Variants in PPP2R2B observed in about 807,000 individuals in gnomAD.
PPP2R2B encodes the protein protein phosphatase 2 regulatory subunit Bbeta.
In PPP2R2B, 5 loss-of-function variants were observed where a neutral mutation model predicts 46.0. That is an observed-to-expected ratio of 0.11 (90% CI 0.06 to 0.23). The LOEUF (loss-of-function observed/expected upper bound fraction) is 0.23, where lower values mean the gene tolerates loss of function less well. Ranked by LOEUF, PPP2R2B falls within the 10% of genes least tolerant of loss-of-function variation. PPP2R2B has a pLI of 1.00. For missense variants in PPP2R2B, 367 were observed against 575.0 expected (o/e 0.64, Z 3.70); for synonymous variants, 215 against 206.7 (o/e 1.04, Z -0.34).
chr5:146,933,558 C>T (rs1764036430), intron 1 of PPP2R2B, among the ~76,000 whole-genome samples: 1 of 152,028 alleles, frequency 6.6e-6, no homozygotes, highest in South Asian at 2.1e-4. Context: ...GGCCACCTCA[C>T]TTTATTCTGA....
At position 146,650,586 on chromosome 5, in the gene PPP2R2B, T is replaced by C; in HGVS notation, c.586A>G (p.Ile196Val). The change falls in exon 6 of 10, where the codon ATT (isoleucine) becomes GTT (valine). Residue 196 changes from isoleucine (I) to valine (V), a missense_variant. This residue lies in a region of PPP2R2B where 361 missense variants were observed against 545.5 expected (regional missense o/e 0.66). Coordinates refer to ENST00000394411, the MANE Select transcript of PPP2R2B (RefSeq NM_181675.4). Reference protein sequence around the residue: ...ETYMSADDLRINLWNFEITNQ... With the variant: ...ETYMSADDLRVNLWNFEITNQ... ...GTTATTTCAAAGTTCCATAGGTTAA[T>C]CCTCAGGTCATCAGCGGACATGTAG... is the stretch of plus-strand genomic sequence containing the variant. The C allele has an allele frequency of 6.2e-7, 1 of 1,614,030 alleles. No homozygotes were observed. The highest frequency in any genetic ancestry group is 8.5e-7 in the Non-Finnish European group (1 of 1,179,978).
At chr5:146,644,309 TG>T (rs1447108771) in intron 6 of PPP2R2B, among the ~76,000 whole-genome samples, 3 of 18,122 alleles carry the variant, frequency 1.7e-4, no homozygotes, top group Non-Finnish European at 6.6e-4. Flanking sequence ...AAATTGTTTT[TG>T]GCTTTGGCTT....
chr5:146,808,044 G>T (rs1422469279), intron 2 of PPP2R2B, among the ~76,000 whole-genome samples: 1 of 151,450 alleles, frequency 6.6e-6, no homozygotes, highest in Non-Finnish European at 1.5e-5. Flanking sequence ...CAGGTGATCT[G>T]CCTGCCTCAG....
chr5:146,809,456 G>A (rs780566936), intron 2 of PPP2R2B, among the ~76,000 whole-genome samples: 3 of 151,896 alleles, frequency 2.0e-5, no homozygotes, highest in Non-Finnish European at 4.4e-5. Context: ...CCAAATAAAT[G>A]TATATTGACT....
intron 7 of PPP2R2B, among the ~76,000 whole-genome samples, chr5:146,606,449 C>G (rs904839226): frequency 3.9e-5 from 6 of 152,170 alleles, no homozygotes; most frequent in African/African-American, 1.4e-4. Context: ...AATGATGGAG[C>G]TTTGAACAAG....
intron 6 of PPP2R2B, among the ~76,000 whole-genome samples, chr5:146,646,936 C>T (rs1178060055): frequency 6.6e-6 from 1 of 152,038 alleles, no homozygotes; most frequent in East Asian, 1.9e-4. Flanking sequence ...GAAATGGAGG[C>T]TTGGATAGAT....
intron 2 of PPP2R2B, among the ~76,000 whole-genome samples, chr5:146,802,854 T>C (rs1161892549): frequency 6.6e-6 from 1 of 152,226 alleles, no homozygotes; most frequent in Admixed American, 6.5e-5. Context: ...TAGTTAGTTA[T>C]GCAAGTATTT....
At chr5:146,635,065 T>A (rs1581761628) in intron 7 of PPP2R2B, among the ~76,000 whole-genome samples, 1 of 152,192 alleles carries the variant, frequency 6.6e-6, no homozygotes, top group East Asian at 1.9e-4. Context: ...TATTGACTCC[T>A]TTGTGCCTGG....
chr5:146,755,770 AT>A lies in PPP2R2B; in HGVS notation c.71-54629del, dbSNP rs201901026. On this transcript the variant is annotated intron_variant, in intron 2 of 9. Transcript: ENST00000394411. ...TTGGATTTCTTTTAGGCTTGTGCTA[AT>A]TTGTTTTTCAACTTCGAGCCTGGGG... Among the ~76,000 whole-genome samples the A allele has an allele frequency of 5.4e-3, 815 of 152,302 alleles. 3 individuals are homozygous for A. Among genetic ancestry groups the A allele is most frequent in the Non-Finnish European group, 8.9e-3 (604 of 68,008 alleles).
chr5:146,987,790 G>GC, intron 1 of PPP2R2B, among the ~76,000 whole-genome samples: 1 of 151,814 alleles, frequency 6.6e-6, no homozygotes, highest in Non-Finnish European at 1.5e-5. Flanking sequence ...TAATAACCTT[G>GC]AATATATATG....
At chr5:146,972,209 T>TAC (rs35885710) in intron 1 of PPP2R2B, among the ~76,000 whole-genome samples, 82,257 of 151,714 alleles carry the variant, frequency 0.54, 22,582 homozygotes, top group Middle Eastern at 0.62. Flanking sequence ...AGAATGGGGT[T>TAC]AGTTTTTGGA....
chr5:146,762,893 G>A (rs535312508), intron 2 of PPP2R2B, among the ~76,000 whole-genome samples: 73 of 152,014 alleles, frequency 4.8e-4, no homozygotes, highest in African/African-American at 1.7e-3. Flanking sequence ...CAGGCTGGTA[G>A]GTAATAAGGA....
At position 146,878,364 on chromosome 5, in the gene PPP2R2B, G is replaced by A; in HGVS notation, c.-124-169C>T. On this transcript the variant is annotated intron_variant, in intron 1 of 9. Coordinates refer to ENST00000394411, the MANE Select transcript of PPP2R2B (RefSeq NM_181675.4). The surrounding 1 kb of genome is among the most constrained non-coding windows in gnomAD (Gnocchi z 4.5). ...CTGCGCCTGCCTCCGCTGCCTCCGG[G>A]TGCCAAGATACGCCGTGCCCCGAGG... 1 of 1,435,576 alleles carries A rather than the reference G, an allele frequency of 7.0e-7. No homozygotes were observed. The allele number at this position is 1,435,576 out of a possible 1,614,324, so 88.9% of individuals were successfully genotyped here.
intron 2 of PPP2R2B, among the ~76,000 whole-genome samples, chr5:146,756,462 C>T (rs1463189711): frequency 6.6e-6 from 1 of 152,242 alleles, no homozygotes; most frequent in South Asian, 2.1e-4. Flanking sequence ...TCATTTTCCC[C>T]ATGCTGCAGT....
At chr5:146,781,131 G>GATAT (rs56697862) in intron 2 of PPP2R2B, among the ~76,000 whole-genome samples, 1,381 of 49,180 alleles carry the variant, frequency 0.028, 87 homozygotes, top group Middle Eastern at 0.05. Flanking sequence ...ATGCCACCAT[G>GATAT]ATATATATAT....
chr5:146,970,843 A>C (rs1752632027), intron 1 of PPP2R2B, among the ~76,000 whole-genome samples: 1 of 152,104 alleles, frequency 6.6e-6, no homozygotes, highest in African/African-American at 2.4e-5. Flanking sequence ...TTCTAATCAT[A>C]AAAGCAATGT....
At chr5:147,056,684 A>G (rs934693878), upstream of PPP2R2B, among the ~76,000 whole-genome samples, 5 of 152,168 alleles carry the variant, frequency 3.3e-5, no homozygotes, top group Admixed American at 6.6e-5. Flanking sequence ...AGAGAGAAAA[A>G]GAGAGACAGA....
In PPP2R2B at chr5:146,878,414, G is replaced by T; in HGVS notation, c.-125+177C>A. Reference sequence around the variant, plus strand: ...GGGTCTGGTCCCGCCCGCCCGCCCCGGAGGCGCTCACAAGCGGGTCTGGGG... The same window carrying T: ...GGGTCTGGTCCCGCCCGCCCGCCCCTGAGGCGCTCACAAGCGGGTCTGGGG... On this transcript the variant is annotated intron_variant, in intron 1 of 9. Coordinates refer to ENST00000394411, the MANE Select transcript of PPP2R2B (RefSeq NM_181675.4). The surrounding 1 kb of genome is among the most constrained non-coding windows in gnomAD (Gnocchi z 4.5). The T allele has an allele frequency of 1.4e-6, 1 of 731,928 alleles. No homozygotes were observed. The highest frequency in any genetic ancestry group is 2.1e-6 in the Non-Finnish European group (1 of 484,514). 45.3% of individuals were successfully genotyped at this position (731,928 alleles called of 1,614,324 possible).
chr5:146,785,539 C>T (rs975131309), intron 2 of PPP2R2B, among the ~76,000 whole-genome samples: 2 of 151,980 alleles, frequency 1.3e-5, no homozygotes, highest in East Asian at 1.9e-4. Flanking sequence ...CAGAGTGAGA[C>T]CCTGTCTCAA....
Sources: allele counts gnomAD v4.1 joint callset (sites outside exome capture counted in the v4.1 genomes callset), GRCh38; gene constraint gnomAD v4.1.1; regional missense constraint gnomAD v4.1.1; non-coding constraint Gnocchi (gnomAD v3.1); transcripts MANE v1.5; gene names NCBI Gene and HGNC (gene_info 2026-07-23, HGNC 2026-07-21).